The following TENM3 variants were observed in gnomAD, a reference collection of about 807,000 sequenced individuals.
The protein encoded by TENM3 is teneurin-3.
TENM3 carries 63 observed loss-of-function variants against 255.1 expected under a neutral mutation model. The observed-to-expected ratio is 0.25, with a 90% CI of 0.20 to 0.30. TENM3 has a LOEUF of 0.30. Ranked by LOEUF, TENM3 falls within the 10% of genes least tolerant of loss-of-function variation. The pLI, the probability that TENM3 is intolerant of heterozygous loss-of-function variation, is 1.00. For missense variants in TENM3, 2,929 were observed against 3,461.1 expected, an observed-to-expected ratio of 0.85 and a Z score of 3.86; for synonymous variants, 1,306 against 1,322.3, an observed-to-expected ratio of 0.99 and a Z score of 0.27.
At chr4:181,526,667 G>GTGGTGA in the TENM3 span, among the ~76,000 whole-genome samples, 2 of 152,012 alleles carry the variant, frequency 1.3e-5, no homozygotes, top group Non-Finnish European at 2.9e-5. Flanking sequence ...GGTAGTGATG[G>GTGGTGA]TGGTGATGGT....
the TENM3 span, among the ~76,000 whole-genome samples, chr4:181,595,545 A>T: frequency 3.3e-5 from 5 of 151,918 alleles, no homozygotes; most frequent in East Asian, 9.7e-4. Flanking sequence ...CGTGGATTTC[A>T]TCTGGAAGCT....
the TENM3 span, among the ~76,000 whole-genome samples, chr4:182,130,754 C>T: frequency 6.6e-5 from 10 of 151,108 alleles, no homozygotes; most frequent in South Asian, 2.1e-4. Flanking sequence ...CAAAGCCGAA[C>T]GATTTTAGCA....
At chr4:182,178,578 A>G (rs1752659704) in intron 1 of TENM3, among the ~76,000 whole-genome samples, 1 of 152,138 alleles carries the variant, frequency 6.6e-6, no homozygotes, top group Admixed American at 6.5e-5. Context: ...TTCTCATAAT[A>G]TGTGTATTGT....
intron 1 of TENM3, among the ~76,000 whole-genome samples, chr4:182,167,361 A>G (rs944108179): frequency 2.0e-5 from 3 of 152,230 alleles, no homozygotes; most frequent in Non-Finnish European, 4.4e-5. Context: ...ATTAGTAGAA[A>G]GTTGAATGAA....
At chr4:182,570,576 G>T (rs189858318) in intron 3 of TENM3, among the ~76,000 whole-genome samples, 2 of 152,208 alleles carry the variant, frequency 1.3e-5, no homozygotes, top group East Asian at 1.9e-4. Flanking sequence ...CCGGCCGGGC[G>T]TGGTGGCTCA....
the TENM3 span, among the ~76,000 whole-genome samples, chr4:181,448,934 A>T: frequency 7.2e-5 from 11 of 152,150 alleles, no homozygotes; most frequent in African/African-American, 2.2e-4. Context: ...AAATTTTACT[A>T]TTTGCTCCAC....
the TENM3 span, among the ~76,000 whole-genome samples, chr4:181,896,122 C>G: frequency 2.0e-5 from 3 of 152,178 alleles, no homozygotes; most frequent in African/African-American, 7.2e-5. Flanking sequence ...CTGTCAAGTT[C>G]TGAATCAAGG....
chr4:182,452,392 T>A (rs994716427), intron 3 of TENM3, among the ~76,000 whole-genome samples: 7 of 152,174 alleles, frequency 4.6e-5, no homozygotes, highest in Non-Finnish European at 1.0e-4. Flanking sequence ...CCAGAACTTC[T>A]AAGTAGTTGT....
the TENM3 span, among the ~76,000 whole-genome samples, chr4:181,825,891 CA>C: frequency 6.6e-6 from 1 of 152,180 alleles, no homozygotes; most frequent in Non-Finnish European, 1.5e-5. Context: ...CTGTCTTCTT[CA>C]CTCCCGCTTT....
the TENM3 span, among the ~76,000 whole-genome samples, chr4:181,825,686 A>G: frequency 5.9e-5 from 9 of 152,214 alleles, no homozygotes; most frequent in Non-Finnish European, 1.2e-4. Flanking sequence ...ATCACAAAAC[A>G]CAGTTAACAT....
chr4:182,521,919 A>G (rs115118746), intron 3 of TENM3, among the ~76,000 whole-genome samples: 188 of 152,332 alleles, frequency 1.2e-3, no homozygotes, highest in Non-Finnish European at 2.3e-3. Context: ...ACCTAGATCA[A>G]ACAGAAAATA....
chr4:181,505,492 A>AT, the TENM3 span, among the ~76,000 whole-genome samples: 1 of 152,010 alleles, frequency 6.6e-6, no homozygotes, highest in Non-Finnish European at 1.5e-5. Context: ...TAAGCTGTTT[A>AT]TTTTTTCCAT....
chr4:181,585,088 T>C, the TENM3 span, among the ~76,000 whole-genome samples: 44 of 151,756 alleles, frequency 2.9e-4, no homozygotes, highest in East Asian at 8.2e-3. Context: ...ATGCGATCAC[T>C]AACTGCCTTT....
At chr4:181,705,415 CT>C in the TENM3 span, among the ~76,000 whole-genome samples, 1 of 152,166 alleles carries the variant, frequency 6.6e-6, no homozygotes, top group African/African-American at 2.4e-5. Context: ...AAAGAGAAAG[CT>C]TTGGAGTCTG....
intron 17 of TENM3, 63 bp from the exon 18 acceptor site, chr4:182,738,338 A>G (rs1761329599): frequency 6.8e-7 from 1 of 1,462,288 alleles, no homozygotes; most frequent in Non-Finnish European, 9.1e-7. Context: ...TTTCCAAGTA[A>G]GAAAATAAAT....
At chr4:182,619,611 T>G (rs1749904150) in intron 4 of TENM3, among the ~76,000 whole-genome samples, 1 of 151,872 alleles carries the variant, frequency 6.6e-6, no homozygotes, top group African/African-American at 2.4e-5. Context: ...GCATTACAAG[T>G]TAATGACGCA....
chr4:182,346,256 A>G (rs1239442503), intron 2 of TENM3, among the ~76,000 whole-genome samples: 1 of 152,166 alleles, frequency 6.6e-6, no homozygotes, highest in Non-Finnish European at 1.5e-5. Context: ...GGAAAATTTT[A>G]TTGTTGGGGA....
the TENM3 span, among the ~76,000 whole-genome samples, chr4:182,012,312 G>A: frequency 6.6e-6 from 1 of 152,112 alleles, no homozygotes; most frequent in African/African-American, 2.4e-5. Flanking sequence ...CCTCTCCTGG[G>A]CTTCCATACA....
chr4:182,717,489 G>A (rs1205019274), intron 13 of TENM3, among the ~76,000 whole-genome samples: 1 of 152,110 alleles, frequency 6.6e-6, no homozygotes, highest in African/African-American at 2.4e-5. Flanking sequence ...CCTGACAAAG[G>A]TCTCCACTCT....
Sources: allele counts gnomAD v4.1 joint callset (sites outside exome capture counted in the v4.1 genomes callset), GRCh38; gene constraint gnomAD v4.1.1; transcripts MANE v1.5; gene names NCBI Gene and HGNC (gene_info 2026-07-23, HGNC 2026-07-21).